TTC34: variants seen among roughly 807,000 people sequenced by gnomAD.
TTC34 encodes the protein tetratricopeptide repeat domain 34.
A neutral mutation model predicts 40.7 loss-of-function variants in TTC34; 44 were observed. The observed-to-expected ratio is 1.08, with a 90% CI of 0.85 to 1.39. The LOEUF is 1.39. TTC34 is among the 40% of genes most tolerant of loss of function. TTC34 has a pLI of 0.00. For synonymous variants in TTC34, 422 were observed against 398.6 expected (o/e 1.06, Z -0.70); for missense variants, 884 against 838.0 (o/e 1.05, Z -0.68).
chr1:2,657,464 C>T (rs1195407846), intron 6 of TTC34, among the ~76,000 whole-genome samples: 5 of 91,402 alleles, frequency 5.5e-5, no homozygotes, highest in African/African-American at 1.7e-4. Flanking sequence ...CCCACGCCCC[C>T]AGGCGAGCAT....
intron 6 of TTC34, among the ~76,000 whole-genome samples, chr1:2,651,854 C>G (rs1639143778): frequency 6.6e-6 from 1 of 151,818 alleles, no homozygotes; most frequent in African/African-American, 2.4e-5. Flanking sequence ...ATTAGGTGAG[C>G]CTCTGATGGA....
At chr1:2,648,477 GTC>G (rs965460996) in intron 6 of TTC34, among the ~76,000 whole-genome samples, 1 of 152,166 alleles carries the variant, frequency 6.6e-6, no homozygotes, top group African/African-American at 2.4e-5. Flanking sequence ...GCGGCCTCCT[GTC>G]TCTCAGGTCA....
rs1334378215 is a variant in TTC34, at chr1:2,749,390, A to T, written c.2226+34219T>A. Among the ~76,000 whole-genome samples, 46 of 100,614 alleles carry T rather than the reference A, an allele frequency of 4.6e-4. 1 individual carries two copies. Among genetic ancestry groups the T allele is most frequent in the African/African-American group, 6.5e-4 (13 of 20,124 alleles). The allele number at this position is 100,614 out of a possible 152,430, so 66.0% of individuals were successfully genotyped here. ...CCAGGTGAGACCCTGACAGCCTGGA[A>T]CAGCACCCTGCACCCCCAGGTGCGC... On this transcript the variant is annotated intron_variant, in intron 6 of 8. Coordinates refer to ENST00000401095, the Ensembl canonical transcript of TTC34.
At chr1:2,688,413 C>G in intron 6 of TTC34, among the ~76,000 whole-genome samples, 1 of 150,704 alleles carries the variant, frequency 6.6e-6, no homozygotes, top group African/African-American at 2.5e-5. Flanking sequence ...CCCACACCCC[C>G]AGGTGAGCAT....
At chr1:2,749,022 G>T (rs1641233463) in intron 6 of TTC34, among the ~76,000 whole-genome samples, 2 of 148,372 alleles carry the variant, frequency 1.3e-5, no homozygotes, top group Admixed American at 6.7e-5. Context: ...GCATCTGACA[G>T]CCTGGAACAG....
intron 6 of TTC34, among the ~76,000 whole-genome samples, chr1:2,680,681 A>G (rs1640033622): frequency 4.0e-5 from 4 of 101,160 alleles, no homozygotes; most frequent in Non-Finnish European, 7.0e-5. Context: ...AGCATCTGAC[A>G]GCCTGGAACA....
At chr1:2,749,259 G>C (rs1321774469) in intron 6 of TTC34, among the ~76,000 whole-genome samples, 2 of 89,922 alleles carry the variant, frequency 2.2e-5, no homozygotes, top group African/African-American at 1.6e-4. Flanking sequence ...GTGAGCATCT[G>C]ATGGTCTGGA....
chr1:2,677,626 T>C (rs1570792794), intron 6 of TTC34, among the ~76,000 whole-genome samples: 1 of 140,194 alleles, frequency 7.1e-6, no homozygotes, highest in African/African-American at 2.7e-5. Flanking sequence ...GGTGAGCATC[T>C]GACAGCCTGG....
At chr1:2,686,682 C>G (rs936419372) in intron 6 of TTC34, among the ~76,000 whole-genome samples, 7 of 52,854 alleles carry the variant, frequency 1.3e-4, no homozygotes, top group Admixed American at 1.3e-3. Context: ...GCACCCTGCA[C>G]CCCCAGGTGC....
intron 6 of TTC34, among the ~76,000 whole-genome samples, chr1:2,761,347 TGGA>T (rs1641679152): frequency 1.4e-5 from 1 of 71,528 alleles, no homozygotes; most frequent in Non-Finnish European, 2.4e-5. Flanking sequence ...TCTGACAGCC[TGGA>T]GCAGCACCCA....
intron 6 of TTC34, among the ~76,000 whole-genome samples, chr1:2,657,421 C>T (rs538260721): frequency 3.3e-5 from 3 of 90,180 alleles, no homozygotes; most frequent in South Asian, 3.3e-4. Flanking sequence ...GTACCAGTAC[C>T]CCCAGGCGAG....
At chr1:2,788,076 C>T (rs1002390106) in intron 3 of TTC34, among the ~76,000 whole-genome samples, 4 of 152,262 alleles carry the variant, frequency 2.6e-5, no homozygotes, top group African/African-American at 4.8e-5. Context: ...ATGGCTGCAC[C>T]TGGCATGTTC....
In TTC34 at chr1:2,796,963, C is replaced by T. The variant is rs1643715019; in HGVS notation, c.784+3081G>A. On this transcript the variant is annotated intron_variant, in intron 2 of 8. Coordinates refer to ENST00000401095, the Ensembl canonical transcript of TTC34. This position sits in a 1 kb window ranked among gnomAD's most constrained non-coding sequence, Gnocchi z 4.5. Reference sequence around the variant, plus strand: ...TCTCCTTACGGACATTGTGGCCACTCTCAGGGCTGCCTACCTGTCTTTATC... The same window carrying T: ...TCTCCTTACGGACATTGTGGCCACTTTCAGGGCTGCCTACCTGTCTTTATC... Among the ~76,000 whole-genome samples, 1 of 152,164 alleles carries T rather than the reference C, an allele frequency of 6.6e-6. No homozygotes were observed. Among genetic ancestry groups the T allele is most frequent in the African/African-American group, 2.4e-5 (1 of 41,430 alleles).
At chr1:2,780,189 C>T (rs548662673) in intron 6 of TTC34, among the ~76,000 whole-genome samples, 102 of 152,310 alleles carry the variant, frequency 6.7e-4, no homozygotes, top group African/African-American at 2.1e-3. Flanking sequence ...GTAATAATTC[C>T]TTATCAGATA....
chr1:2,749,531 C>T (rs1294609221), intron 6 of TTC34, among the ~76,000 whole-genome samples: 3 of 17,684 alleles, frequency 1.7e-4, no homozygotes, highest in Non-Finnish European at 2.8e-4. Flanking sequence ...GATTCCCAGG[C>T]AAGCATCTGA....
intron 6 of TTC34, among the ~76,000 whole-genome samples, chr1:2,782,224 C>T (rs1457750529): frequency 1.3e-5 from 2 of 152,050 alleles, no homozygotes; most frequent in Admixed American, 1.3e-4. Flanking sequence ...ATGATTTAGT[C>T]TTGGTAGGTT....
intron 6 of TTC34, among the ~76,000 whole-genome samples, chr1:2,687,270 G>A (rs531553997): frequency 7.3e-6 from 1 of 136,198 alleles, no homozygotes; most frequent in East Asian, 2.0e-4. Context: ...TGATGGTCTG[G>A]AGCAGCACCC....
chr1:2,796,873 C>T lies in TTC34; in HGVS notation c.784+3171G>A, dbSNP rs1217287337. On this transcript the variant is annotated intron_variant, in intron 2 of 8. Transcript: ENST00000401095. The surrounding 1 kb of genome is among the most constrained non-coding windows in gnomAD (Gnocchi z 4.5). ...TGCAGCTCTCTCTAACTGGTTCCTG[C>T]CCCACCCTCTCGTTGGGGTCACCAA... Among the ~76,000 whole-genome samples the T allele has an allele frequency of 2.6e-5, 4 of 152,176 alleles. No individual in the cohort carries two copies. The highest frequency in any genetic ancestry group is 9.7e-5 in the African/African-American group (4 of 41,442).
chr1:2,754,706 C>G (rs1402361466), intron 6 of TTC34, among the ~76,000 whole-genome samples: 1 of 55,672 alleles, frequency 1.8e-5, no homozygotes, highest in Non-Finnish European at 3.3e-5. Context: ...CACCTCCAGG[C>G]GAGCATCCGA....
Sources: gnomAD v4.1 joint callset for allele counts (sites outside exome capture counted in the v4.1 genomes callset) on GRCh38, gnomAD v4.1.1 for gene constraint, Gnocchi (gnomAD v3.1) non-coding constraint, MANE v1.5 for transcripts, NCBI Gene and HGNC (gene_info 2026-07-23, HGNC 2026-07-21) for gene names.